Variants in KIAA1217 observed in about 807,000 individuals in gnomAD.
The protein encoded by KIAA1217 is sickle tail protein homolog.
Under a neutral mutation model 163.9 loss-of-function variants are expected in KIAA1217, and 88 were observed. That is an observed-to-expected ratio of 0.54 (90% CI 0.45 to 0.64). The LOEUF (loss-of-function observed/expected upper bound fraction) is 0.64. Among genes scored for constraint, KIAA1217 ranks in the 30% least tolerant of loss-of-function variants. The pLI, the probability that KIAA1217 is intolerant of heterozygous loss-of-function variation, is 0.00. For synonymous variants in KIAA1217, 903 were observed against 923.1 expected (o/e 0.98, Z 0.39); for missense variants, 2,372 against 2,475.0 (o/e 0.96, Z 0.88).
chr10:23,776,321 C>T (rs1835004424), intron 1 of KIAA1217, among the ~76,000 whole-genome samples: 1 of 136,614 alleles, frequency 7.3e-6, no homozygotes, highest in Non-Finnish European at 1.5e-5. Flanking sequence ...AATAAATGAA[C>T]TTTGGAGAGC....
At chr10:24,128,611 C>T (rs552487220) in intron 2 of KIAA1217, among the ~76,000 whole-genome samples, 11 of 152,242 alleles carry the variant, frequency 7.2e-5, no homozygotes, top group South Asian at 2.1e-4. Context: ...AAGGGGCTTC[C>T]GGGCCTCTAC....
At chr10:24,347,662 T>C (rs953245974) in intron 2 of KIAA1217, among the ~76,000 whole-genome samples, 2 of 152,098 alleles carry the variant, frequency 1.3e-5, no homozygotes, top group Non-Finnish European at 2.9e-5. Context: ...AAAAATATAC[T>C]AGGATAAAAA....
intron 2 of KIAA1217, among the ~76,000 whole-genome samples, chr10:24,264,857 C>G (rs182346046): frequency 1.1e-4 from 16 of 151,516 alleles, no homozygotes; most frequent in Non-Finnish European, 1.5e-5. Context: ...TTCTCTGTCT[C>G]TCTTTCTCTC....
In KIAA1217 at chr10:23,981,030, G is replaced by A. The variant is rs564666174; in HGVS notation, c.-320-26195G>A. Reference sequence around the variant, plus strand: ...TTAGTTGCGTGGTCAATTGTTCACCGTTGCTTAAAGTTTAAAAATAAAACC... The same window carrying A: ...TTAGTTGCGTGGTCAATTGTTCACCATTGCTTAAAGTTTAAAAATAAAACC... On this transcript the variant is annotated intron_variant, in intron 1 of 18. Coordinates refer to the KIAA1217 transcript ENST00000376462. Among the ~76,000 whole-genome samples the A allele has an allele frequency of 1.0e-3, 156 of 152,196 alleles. 1 individual carries two copies. The highest frequency in any genetic ancestry group is 1.9e-3 in the Non-Finnish European group (127 of 68,008).
chr10:23,829,131 G>A (rs1029913001), intron 1 of KIAA1217, among the ~76,000 whole-genome samples: 3 of 152,166 alleles, frequency 2.0e-5, no homozygotes, highest in Non-Finnish European at 2.9e-5. Context: ...CACAGCTAAG[G>A]TTGAATATCA....
chr10:23,847,851 T>A (rs923581764), intron 1 of KIAA1217, among the ~76,000 whole-genome samples: 3 of 152,200 alleles, frequency 2.0e-5, no homozygotes, highest in African/African-American at 7.2e-5. Context: ...CCTGTGGTCA[T>A]TTAGTGCTAT....
intron 3 of KIAA1217, among the ~76,000 whole-genome samples, chr10:24,423,781 C>T (rs1322125737): frequency 6.6e-6 from 1 of 152,178 alleles, no homozygotes; most frequent in Non-Finnish European, 1.5e-5. Flanking sequence ...AGTGATCCAC[C>T]CACCTTGGCC....
chr10:24,077,852 CT>C (rs762677128), intron 2 of KIAA1217, among the ~76,000 whole-genome samples: 2 of 152,158 alleles, frequency 1.3e-5, no homozygotes, highest in Non-Finnish European at 2.9e-5. Context: ...GCCAGCATCT[CT>C]TGTTTTTTGA....
chr10:24,499,281 T>A (rs978554892), intron 8 of KIAA1217, among the ~76,000 whole-genome samples: 14 of 152,174 alleles, frequency 9.2e-5, no homozygotes, highest in African/African-American at 3.4e-4. Context: ...ATCAGATATG[T>A]TTTACTTGGT....
At chr10:23,836,574 A>C (rs1308728810) in intron 1 of KIAA1217, among the ~76,000 whole-genome samples, 1 of 149,936 alleles carries the variant, frequency 6.7e-6, no homozygotes, top group African/African-American at 2.5e-5. Context: ...ATTTACTTAC[A>C]TGTATATATT....
chr10:24,331,281 T>A (rs1222339415), intron 2 of KIAA1217, among the ~76,000 whole-genome samples: 1 of 152,136 alleles, frequency 6.6e-6, no homozygotes, highest in African/African-American at 2.4e-5. Flanking sequence ...AAGAATCAAC[T>A]AGACTGATTG....
intron 5 of KIAA1217, among the ~76,000 whole-genome samples, chr10:24,468,151 C>G (rs906168038): frequency 3.3e-5 from 5 of 152,090 alleles, no homozygotes; most frequent in African/African-American, 1.2e-4. Context: ...CAAGTGTGAC[C>G]TTGGAAATCA....
intron 3 of KIAA1217, among the ~76,000 whole-genome samples, chr10:24,429,419 T>G (rs1454692553): frequency 6.6e-6 from 1 of 152,192 alleles, no homozygotes; most frequent in East Asian, 1.9e-4. Context: ...TCTGATCTCT[T>G]TTACCCAAAT....
intron 2 of KIAA1217, among the ~76,000 whole-genome samples, chr10:24,361,158 C>T (rs2049936297): frequency 6.9e-6 from 1 of 145,066 alleles, no homozygotes; most frequent in Admixed American, 6.9e-5. Flanking sequence ...CCACATGCCA[C>T]AAGCACATGC....
At chr10:24,128,078 T>C (rs1457476207) in intron 2 of KIAA1217, among the ~76,000 whole-genome samples, 2 of 152,242 alleles carry the variant, frequency 1.3e-5, no homozygotes, top group African/African-American at 4.8e-5. Context: ...AAATCCATCC[T>C]TTGCTGAATT....
intron 1 of KIAA1217, among the ~76,000 whole-genome samples, chr10:23,979,081 G>C (rs1399178197): frequency 1.3e-5 from 2 of 152,186 alleles, no homozygotes; most frequent in African/African-American, 4.8e-5. Flanking sequence ...AGACTTACCT[G>C]TGTCTTCTCC....
intron 2 of KIAA1217, among the ~76,000 whole-genome samples, chr10:24,341,249 G>A (rs1275210176): frequency 6.6e-6 from 1 of 152,084 alleles, no homozygotes; most frequent in Non-Finnish European, 1.5e-5. Context: ...ATTCCACAGT[G>A]GTATATGATA....
At chr10:24,151,598 C>T (rs1457344531) in intron 2 of KIAA1217, among the ~76,000 whole-genome samples, 2 of 151,262 alleles carry the variant, frequency 1.3e-5, no homozygotes, top group East Asian at 1.9e-4. Context: ...TTCAGAAGGA[C>T]TTGAGGTCTC....
intron 2 of KIAA1217, among the ~76,000 whole-genome samples, chr10:24,296,020 C>T (rs1002988217): frequency 1.3e-5 from 2 of 152,194 alleles, no homozygotes; most frequent in African/African-American, 4.8e-5. Flanking sequence ...TGCTGGCCAG[C>T]AGTAAGGGTG....
Sources: allele counts gnomAD v4.1 joint callset (sites outside exome capture counted in the v4.1 genomes callset), GRCh38; gene constraint gnomAD v4.1.1; transcripts MANE v1.5; gene names NCBI Gene and HGNC (gene_info 2026-07-23, HGNC 2026-07-21).